Variants in RNF212 observed in about 807,000 individuals in gnomAD.
RNF212 encodes ring finger protein 212.
RNF212 carries 33 observed loss-of-function variants against 34.7 expected under a neutral mutation model. The ratio of observed to expected loss-of-function variants is 0.95; its 90% CI spans 0.72 to 1.27. RNF212 has a LOEUF of 1.27. RNF212 is among the 50% of genes most tolerant of loss of function. The pLI, the probability that RNF212 is intolerant of heterozygous loss-of-function variation, is 0.00. For synonymous variants in RNF212, 140 were observed against 136.1 expected (o/e 1.03, Z -0.20); for missense variants, 377 against 362.2 (o/e 1.04, Z -0.33).
At chr4:1,083,494 T>C (rs147176544) in intron 5 of RNF212, among the ~76,000 whole-genome samples, 2,490 of 151,972 alleles carry the variant, frequency 0.016, 62 homozygotes, top group African/African-American at 0.056. Context: ...AATACAAAAA[T>C]CAGCCAGGCG....
intron 2 of RNF212, among the ~76,000 whole-genome samples, chr4:1,104,265 T>C (rs751478670): frequency 3.3e-5 from 5 of 152,246 alleles, no homozygotes; most frequent in African/African-American, 4.8e-5. Flanking sequence ...CATGCGAAGA[T>C]GAATGTAGGC....
intron 8 of RNF212, among the ~76,000 whole-genome samples, chr4:1,076,338 G>A (rs1212269514): frequency 2.6e-5 from 4 of 152,320 alleles, no homozygotes; most frequent in East Asian, 1.9e-4. Flanking sequence ...TGCCCCAGGC[G>A]CTGTCATGGG....
intron 8 of RNF212, among the ~76,000 whole-genome samples, chr4:1,077,814 G>A (rs1278661900): frequency 6.6e-6 from 1 of 152,212 alleles, no homozygotes; most frequent in African/African-American, 2.4e-5. Context: ...GGTCCTCGAT[G>A]TGGGCCAGTT....
chr4:1,099,645 T>C lies in RNF212; in HGVS notation c.172-2806A>G, dbSNP rs202178770. On this transcript the variant is annotated intron_variant, in intron 2 of 9. Transcript: ENST00000433731. ...ATCACAAACGAATGTTTTCTTTTCG[T>C]ATTTAATTTTTAAAAGGGGGGTGTG... The C allele has an allele frequency of 7.9e-5, 34 of 432,158 alleles. No homozygotes were observed. The East Asian group carries it at 2.1e-3, about 26-fold the overall frequency. 26.8% of individuals were successfully genotyped at this position (432,158 alleles called of 1,614,324 possible). A position where few individuals can be genotyped will look rare whatever the true frequency, so the allele number is the denominator to read the frequency against.
At position 1,064,654 on chromosome 4, in the gene RNF212, TAC is replaced by T. The variant is rs1177729296; in HGVS notation, n.148-6263_148-6262del. On this transcript the variant is annotated intron_variant and non_coding_transcript_variant, in intron 3 of 4. Coordinates refer to the RNF212 transcript ENST00000503206. ...TTTGTTTTTTGAAAATTTATGATGATACAGTTTCCTACCTTAACCATTTTCAG... is the reference window on the plus strand; with the variant it reads ...TTTGTTTTTTGAAAATTTATGATGATAGTTTCCTACCTTAACCATTTTCAG... Among the ~76,000 whole-genome samples, 8 of 152,318 alleles carry T rather than the reference TAC, an allele frequency of 5.3e-5. No homozygotes were observed. In the South Asian group the frequency reaches 6.2e-4, roughly 12 times the overall value.
At chr4:1,094,010 A>AGATACTGTGGGT in intron 3 of RNF212, 1 of 1,533,076 alleles carries the variant, frequency 6.5e-7, no homozygotes, top group South Asian at 1.2e-5. Flanking sequence ...GGAAAGCCTG[A>AGATACTGTGGGT]GATACTGTGG....
chr4:1,112,421 G>C (rs1035103547), intron 1 of RNF212, among the ~76,000 whole-genome samples: 9 of 152,086 alleles, frequency 5.9e-5, no homozygotes, highest in Non-Finnish European at 8.8e-5. Context: ...GGGGAAGTTC[G>C]CTTGGTAAAA....
chr4:1,105,556 A>T (rs1021448018), intron 2 of RNF212, among the ~76,000 whole-genome samples: 1 of 152,264 alleles, frequency 6.6e-6, no homozygotes, highest in Non-Finnish European at 1.5e-5. Flanking sequence ...TGTCTGTCAC[A>T]ATCAGGTCTG....
At chr4:1,068,434 T>G (rs1718231001), downstream of RNF212, among the ~76,000 whole-genome samples, 1 of 152,232 alleles carries the variant, frequency 6.6e-6, no homozygotes, top group Admixed American at 6.5e-5. Flanking sequence ...TAGAGTTATG[T>G]TTGCTGTGGT....
At chr4:1,101,673 T>C (rs924643862) in intron 2 of RNF212, 1 of 205,062 alleles carries the variant, frequency 4.9e-6, no homozygotes, top group African/African-American at 2.3e-5. Flanking sequence ...CTGAGAAACC[T>C]CTACTGAGTG....
chr4:1,065,123 G>A (rs1251914411), intron 3 of RNF212, among the ~76,000 whole-genome samples: 1 of 152,176 alleles, frequency 6.6e-6, no homozygotes, highest in African/African-American at 2.4e-5. Flanking sequence ...ATCTCTTAGA[G>A]ACCCTGCTTT....
chr4:1,078,003 G>A (rs954546575), intron 8 of RNF212, among the ~76,000 whole-genome samples: 3 of 152,132 alleles, frequency 2.0e-5, no homozygotes, highest in Non-Finnish European at 2.9e-5. Flanking sequence ...AAGCTGTGAC[G>A]GCTCTTCGTT....
chr4:1,103,303 A>C (rs1724315575), intron 2 of RNF212, among the ~76,000 whole-genome samples: 1 of 152,222 alleles, frequency 6.6e-6, no homozygotes, highest in Non-Finnish European at 1.5e-5. Flanking sequence ...GTCACTCCTG[A>C]ATGCTACCAA....
At chr4:1,062,503 T>C (rs962361295) in intron 3 of RNF212, among the ~76,000 whole-genome samples, 3 of 152,190 alleles carry the variant, frequency 2.0e-5, no homozygotes, top group Admixed American at 1.3e-4. Flanking sequence ...TTCTCAACCC[T>C]ATAAAGGGCG....
rs532105152 is a variant in RNF212, at chr4:1,098,498, A to G, written c.172-1659T>C. Reference sequence around the variant, plus strand: ...CATCCTGGAGGTGAGCTCCTCTGTAACAGGGGGACTGAGACCCAACAGAGG... The same window carrying G: ...CATCCTGGAGGTGAGCTCCTCTGTAGCAGGGGGACTGAGACCCAACAGAGG... On this transcript the variant is annotated intron_variant, in intron 2 of 9. Coordinates refer to ENST00000433731, the MANE Select transcript of RNF212 (RefSeq NM_001131034.4). Among the ~76,000 whole-genome samples, 6 of 152,320 alleles carry G rather than the reference A, an allele frequency of 3.9e-5. 1 individual carries two copies. Among genetic ancestry groups the G allele is most frequent in the East Asian group, 1.9e-4 (1 of 5,178 alleles).
chr4:1,080,777 G>A lies in RNF212; in HGVS notation c.464+642C>T, dbSNP rs116149773. Among the ~76,000 whole-genome samples, 1,408 of 152,352 alleles carry A rather than the reference G, an allele frequency of 9.2e-3. 20 individuals are homozygous for A. The highest frequency in any genetic ancestry group is 0.032 in the African/African-American group (1,332 of 41,576). ...CGCCCTCCCTGTCCAGGACCTGTAA[G>A]TAATAAATCTGAATGTGTTTCCTAT... On this transcript the variant is annotated intron_variant, in intron 7 of 9. Transcript: ENST00000433731.
intron 3 of RNF212, among the ~76,000 whole-genome samples, chr4:1,094,843 G>C (rs1399617492): frequency 6.6e-6 from 1 of 152,216 alleles, no homozygotes; most frequent in East Asian, 1.9e-4. Context: ...AAGGACCCCA[G>C]AACTGACTGA....
At position 1,085,876 on chromosome 4, in the gene RNF212, C is replaced by T. The variant is rs755872120; in HGVS notation, c.362+20G>A. The T allele has an allele frequency of 1.3e-5, 20 of 1,598,302 alleles. No homozygotes were observed. The highest frequency in any genetic ancestry group is 1.7e-4 in the Middle Eastern group (1 of 6,046). On this transcript the variant is annotated intron_variant, in intron 5 of 9. Transcript: ENST00000433731. ...AGTGGGTGCCTCGACTGCGCACTCA[C>T]GGGGGGTGGGGCGCCTTACCTTTGT...
intron 3 of RNF212, among the ~76,000 whole-genome samples, chr4:1,059,965 A>G (rs1249312823): frequency 6.6e-6 from 1 of 152,070 alleles, no homozygotes; most frequent in East Asian, 1.9e-4. Context: ...GTGGTGGCGC[A>G]TGCCTGTAAT....
Sources: allele counts gnomAD v4.1 joint callset (sites outside exome capture counted in the v4.1 genomes callset), GRCh38; gene constraint gnomAD v4.1.1; transcripts MANE v1.5; gene names NCBI Gene and HGNC (gene_info 2026-07-23, HGNC 2026-07-21).